The following STK32C variants were observed in gnomAD, a reference collection of about 807,000 sequenced individuals.
STK32C encodes serine/threonine-protein kinase 32C.
In STK32C, 31 loss-of-function variants were observed where a neutral mutation model predicts 56.5. The observed-to-expected ratio is 0.55, with a 90% CI of 0.41 to 0.74. The LOEUF (loss-of-function observed/expected upper bound fraction) is 0.74. Ranked by LOEUF, STK32C falls within the 30% of genes least tolerant of loss-of-function variation. The probability of loss-of-function intolerance (pLI) is 0.00; values close to 1 mark genes in which losing one functional copy is unlikely to be tolerated. For missense variants in STK32C, 544 were observed against 676.9 expected (o/e 0.80, Z 2.18); for synonymous variants, 309 against 289.4 (o/e 1.07, Z -0.69).
chr10:132,283,798 C>T lies in STK32C; in HGVS notation c.262+23774G>A, dbSNP rs73383260. Among the ~76,000 whole-genome samples the T allele has an allele frequency of 1.2e-3, 185 of 152,280 alleles. 1 individual carries two copies. Among genetic ancestry groups the T allele is most frequent in the African/African-American group, 3.6e-3 (150 of 41,542 alleles). On this transcript the variant is annotated intron_variant, in intron 1 of 11. Transcript: ENST00000298630. ...GAAACACAGCTGCTGCCTCCTCCTC[C>T]GCCCCCATGGCTGGCTGTGGCTCCA...
intron 1 of STK32C, among the ~76,000 whole-genome samples, chr10:132,294,692 C>G (rs1406888456): frequency 1.3e-5 from 2 of 152,138 alleles, no homozygotes; most frequent in Non-Finnish European, 1.5e-5. Flanking sequence ...CCATCTACAG[C>G]CAACAGCTCA....
intron 2 of STK32C, among the ~76,000 whole-genome samples, chr10:132,239,922 A>G (rs1217879738): frequency 6.6e-6 from 1 of 152,230 alleles, no homozygotes; most frequent in East Asian, 1.9e-4. Context: ...CACGTCACAG[A>G]TAAGCAACCC....
At chr10:132,309,457 C>T (rs1564798051), upstream of STK32C, among the ~76,000 whole-genome samples, 1 of 152,190 alleles carries the variant, frequency 6.6e-6, no homozygotes, top group Non-Finnish European at 1.5e-5. Flanking sequence ...ATTTTTATGG[C>T]AGCATAACCT....
At chr10:132,267,956 T>C (rs2064632420) in intron 1 of STK32C, among the ~76,000 whole-genome samples, 1 of 139,796 alleles carries the variant, frequency 7.2e-6, no homozygotes, top group African/African-American at 2.7e-5. Context: ...GCTCTATGCC[T>C]GTCTGTGTGC....
chr10:132,317,904 G>C lies in STK32C; in HGVS notation c.301+13532C>G, dbSNP rs577172093. 8.7e-5 allele frequency among the ~76,000 whole-genome samples: 13 copies of C among 148,608 alleles called. No homozygotes were observed. In the South Asian group the frequency reaches 2.4e-3, roughly 27 times the overall value. ...GAGGCAGGAGAATCGCTTGAACCCAGGAGGCAAAGGTTGCAGTGAACCGAG... is the reference window on the plus strand; with the variant it reads ...GAGGCAGGAGAATCGCTTGAACCCACGAGGCAAAGGTTGCAGTGAACCGAG... On this transcript the variant is annotated intron_variant, in intron 1 of 3. Transcript: ENST00000368620.
chr10:132,227,457 G>A (rs1237670184), intron 3 of STK32C, among the ~76,000 whole-genome samples: 1 of 152,120 alleles, frequency 6.6e-6, no homozygotes, highest in Non-Finnish European at 1.5e-5. Flanking sequence ...GAGGATGACG[G>A]TAGTGAGGAC....
chr10:132,214,312 A>G (rs1302910114), intron 10 of STK32C, among the ~76,000 whole-genome samples: 2 of 152,182 alleles, frequency 1.3e-5, no homozygotes, highest in African/African-American at 4.8e-5. Flanking sequence ...AAAGAATTAG[A>G]GCAGACTGCC....
At chr10:132,273,502 A>C (rs1479828761) in intron 1 of STK32C, among the ~76,000 whole-genome samples, 1 of 152,170 alleles carries the variant, frequency 6.6e-6, no homozygotes, top group African/African-American at 2.4e-5. Flanking sequence ...TGCACGGTTA[A>C]TGATAATGAG....
intron 2 of STK32C, among the ~76,000 whole-genome samples, chr10:132,244,976 G>A (rs530162758): frequency 2.6e-5 from 4 of 152,288 alleles, no homozygotes; most frequent in African/African-American, 7.2e-5. Flanking sequence ...CTTGGTGCAC[G>A]GGAGCTTTCT....
chr10:132,304,712 A>T (rs544686379), intron 1 of STK32C, among the ~76,000 whole-genome samples: 84 of 152,388 alleles, frequency 5.5e-4, no homozygotes, highest in Admixed American at 2.3e-3. Context: ...TTTCATAATT[A>T]GGAAAAAACA....
At chr10:132,272,541 C>A (rs939132140) in intron 1 of STK32C, among the ~76,000 whole-genome samples, 8 of 152,216 alleles carry the variant, frequency 5.3e-5, no homozygotes, top group African/African-American at 1.9e-4. Context: ...ATGGGCTCGA[C>A]TCCTCTCTGT....
At chr10:132,303,234 G>A (rs747951389) in intron 1 of STK32C, among the ~76,000 whole-genome samples, 9 of 152,226 alleles carry the variant, frequency 5.9e-5, no homozygotes, top group East Asian at 1.9e-4. Flanking sequence ...GAACTAATGC[G>A]AGAAGGAGAG....
rs754037985 is a variant in STK32C, at chr10:132,249,150, C to CG, written c.263-3196dup. On this transcript the variant is annotated intron_variant, in intron 1 of 11. Transcript: ENST00000298630. ...CTGTGGCGTCAGGGCGTGCAGGGGGCGGGGCGTGCAGGGGGCGGGGCTATG... is the reference window on the plus strand; with the variant it reads ...CTGTGGCGTCAGGGCGTGCAGGGGGCGGGGGCGTGCAGGGGGCGGGGCTATG... 933 of 124,328 alleles carry CG rather than the reference C, an allele frequency of 7.5e-3. 2 individuals are homozygous for CG. Among genetic ancestry groups the CG allele is most frequent in the Middle Eastern group, 0.044 (26 of 594 alleles). The allele number at this position is 124,328 out of a possible 1,614,324, so 7.7% of individuals were successfully genotyped here. A position where few individuals can be genotyped will look rare whatever the true frequency, so the allele number is the denominator to read the frequency against.
intron 7 of STK32C, 76 bp from the exon 8 acceptor site, chr10:132,224,599 C>T (rs2062811212): frequency 8.8e-7 from 1 of 1,135,208 alleles, no homozygotes; most frequent in Non-Finnish European, 1.3e-6. Flanking sequence ...ACACAGGTGC[C>T]ATCGCCCTGA....
intron 1 of STK32C, among the ~76,000 whole-genome samples, chr10:132,313,418 T>G (rs1394836069): frequency 2.0e-5 from 3 of 152,222 alleles, no homozygotes; most frequent in Admixed American, 6.5e-5. Context: ...GCCAAGCACC[T>G]GCTCCATGCT....
At chr10:132,331,302 C>T (rs2066718287) in intron 1 of STK32C, 5 of 851,116 alleles carry the variant, frequency 5.9e-6, no homozygotes, top group Non-Finnish European at 8.7e-6. Flanking sequence ...TGCTACTTTT[C>T]ATTATCAGTT....
At chr10:132,247,525 G>A (rs1264176321) in intron 1 of STK32C, among the ~76,000 whole-genome samples, 1 of 152,190 alleles carries the variant, frequency 6.6e-6, no homozygotes, top group African/African-American at 2.4e-5. Context: ...ATCCTGGGGA[G>A]AGGACGCCTG....
At chr10:132,292,295 C>T (rs2065590414) in intron 1 of STK32C, among the ~76,000 whole-genome samples, 1 of 152,230 alleles carries the variant, frequency 6.6e-6, no homozygotes, top group Non-Finnish European at 1.5e-5. Flanking sequence ...GTCAGCCAGA[C>T]AGGGTCCCCT....
intron 10 of STK32C, 157 bp from the exon 11 acceptor site, chr10:132,209,258 G>T: frequency 1.4e-6 from 1 of 724,694 alleles, no homozygotes; most frequent in Non-Finnish European, 2.5e-6. Flanking sequence ...CCAGCAGCCA[G>T]ACTGCCCGGG....
Sources: allele counts gnomAD v4.1 joint callset (sites outside exome capture counted in the v4.1 genomes callset), GRCh38; gene constraint gnomAD v4.1.1; transcripts MANE v1.5; gene names NCBI Gene and HGNC (gene_info 2026-07-23, HGNC 2026-07-21).